CWH43: variants seen among roughly 807,000 people sequenced by gnomAD.
CWH43 encodes the protein PGAP2-interacting protein.
A neutral mutation model predicts 85.7 loss-of-function variants in CWH43; 91 were observed. That is an observed-to-expected ratio of 1.06 (90% CI 0.90 to 1.26). The LOEUF is 1.26. Among genes scored for constraint, CWH43 ranks in the 50% most tolerant of loss-of-function variants. CWH43 has a pLI of 0.00. For missense variants in CWH43, 869 were observed against 839.2 expected (o/e 1.04, Z -0.44); for synonymous variants, 323 against 293.6 (o/e 1.10, Z -1.02).
chr4:48,988,329 A>C, intron 1 of CWH43, 148 bp from the exon 2 acceptor site: 3 of 553,402 alleles, frequency 5.4e-6, no homozygotes, highest in Non-Finnish European at 9.3e-6. Flanking sequence ...GTTTTGTTCC[A>C]TGTCAGTGGA....
At chr4:49,023,575 C>T (rs1486783823) in intron 9 of CWH43, among the ~76,000 whole-genome samples, 2 of 151,982 alleles carry the variant, frequency 1.3e-5, no homozygotes, top group African/African-American at 4.8e-5. Context: ...GGGTTTCGCC[C>T]CATGTTGGTC....
chr4:49,028,569 G>A, intron 9 of CWH43, 60 bp from the exon 10 acceptor site: 2 of 1,136,524 alleles, frequency 1.8e-6, no homozygotes, highest in Non-Finnish European at 2.6e-6. Flanking sequence ...GAGAAAAGTG[G>A]GTCACTGAAA....
At chr4:49,057,804 G>A (rs1389689029) in intron 15 of CWH43, among the ~76,000 whole-genome samples, 1 of 152,018 alleles carries the variant, frequency 6.6e-6, no homozygotes, top group Non-Finnish European at 1.5e-5. Flanking sequence ...CTGATGGTGG[G>A]TGCACATATA....
chr4:49,055,905 CT>C (rs747635845), intron 15 of CWH43, among the ~76,000 whole-genome samples: 2 of 95,552 alleles, frequency 2.1e-5, no homozygotes, highest in African/African-American at 2.8e-5. Flanking sequence ...TCTAATTTTT[CT>C]TTTTTTCTTT....
intron 13 of CWH43, among the ~76,000 whole-genome samples, chr4:49,043,313 C>T (rs143668855): frequency 2.9e-4 from 44 of 152,144 alleles, no homozygotes; most frequent in Non-Finnish European, 5.9e-5. Flanking sequence ...GAAGCACAAA[C>T]GAATATTAGA....
In CWH43 at chr4:48,986,433, C is replaced by A. The variant is rs3747690; in HGVS notation, c.4C>A (p.Pro2Thr). The change falls in exon 1 of 16, where the codon CCC (proline) becomes ACC (threonine). Residue 2 changes from proline (P) to threonine (T), a missense_variant. By Grantham distance (38) the Pro-to-Thr change is conservative. This residue lies in a region of CWH43 where 140 missense variants were observed against 122.6 expected (regional missense o/e 1.14). Transcript: ENST00000226432. M[P>T]SLWREILLES... Reference sequence around the variant, plus strand: ...AGCGCTGCCCCTCGCCGCGGCGATGCCCTCGCTGTGGAGAGAAATCCTCTT... The same window carrying A: ...AGCGCTGCCCCTCGCCGCGGCGATGACCTCGCTGTGGAGAGAAATCCTCTT... 0.44 allele frequency: 682,007 copies of A among 1,552,566 alleles called. 155,901 individuals carry two copies. Among genetic ancestry groups the A allele is most frequent in the Admixed American group, 0.49 (24,767 of 50,986 alleles).
At chr4:48,991,713 A>G (rs1782666320) in intron 3 of CWH43, 139 bp downstream of exon 3, 1 of 1,072,376 alleles carries the variant, frequency 9.3e-7, no homozygotes, top group Admixed American at 2.7e-5. Context: ...TCCTTTTCCC[A>G]AAACAAGGAC....
intron 5 of CWH43, among the ~76,000 whole-genome samples, chr4:48,998,019 T>C (rs1316497977): frequency 2.0e-5 from 3 of 152,196 alleles, no homozygotes; most frequent in African/African-American, 7.2e-5. Context: ...GACACACAGC[T>C]ATCAGTTATT....
chr4:49,028,470 C>G (rs1211963535), intron 9 of CWH43, among the ~76,000 whole-genome samples, 159 bp from the exon 10 acceptor site: 1 of 152,166 alleles, frequency 6.6e-6, no homozygotes, highest in East Asian at 1.9e-4. Flanking sequence ...TGCCATATAG[C>G]AAATATCTCC....
chr4:48,996,639 C>T (rs1468071911), intron 5 of CWH43, among the ~76,000 whole-genome samples: 3 of 152,154 alleles, frequency 2.0e-5, no homozygotes, highest in Non-Finnish European at 2.9e-5. Context: ...TGAAAACAAG[C>T]ATAAGTTTTG....
At chr4:49,025,892 G>C (rs1468983884) in intron 9 of CWH43, among the ~76,000 whole-genome samples, 1 of 152,090 alleles carries the variant, frequency 6.6e-6, no homozygotes, top group Non-Finnish European at 1.5e-5. Flanking sequence ...TCAGGTGGTG[G>C]GTGGGGCCAT....
At chr4:49,045,431 T>C (rs1784594019) in intron 14 of CWH43, among the ~76,000 whole-genome samples, 1 of 152,206 alleles carries the variant, frequency 6.6e-6, no homozygotes. Context: ...TGCTTAATGA[T>C]ATTTTTGTTC....
rs756455299 is a variant in CWH43 at position 49,032,670 on chromosome 4, C to A, written c.1613C>A (p.Ser538Ter). 4 of 1,614,066 alleles carry A rather than the reference C, an allele frequency of 2.5e-6. No individual in the cohort carries two copies. Among genetic ancestry groups the A allele is most frequent in the Non-Finnish European group, 3.4e-6 (4 of 1,179,950 alleles). ...APAITLTVNI[S>*]GKLVDFVVTH... ...GCCATCACATTGACCGTTAACATTT[C>A]GGGCAAGCTGGTGGATTTTGTCGTG... is the stretch of plus-strand genomic sequence containing the variant. Residue 538 changes from serine to a stop codon, truncating the protein, a stop_gained, in exon 12 of 16, where the codon TCG becomes TAG. Coordinates refer to ENST00000226432, the MANE Select transcript of CWH43 (RefSeq NM_025087.3). LOFTEE classifies it high-confidence loss of function.
intron 15 of CWH43, among the ~76,000 whole-genome samples, chr4:49,058,802 C>A (rs145232969): frequency 3.9e-5 from 6 of 152,316 alleles, no homozygotes; most frequent in African/African-American, 1.4e-4. Flanking sequence ...TTTTGGCCTG[C>A]AAGGTTTCTA....
At chr4:49,060,056 G>T (rs1316486356) in intron 15 of CWH43, among the ~76,000 whole-genome samples, 1 of 152,088 alleles carries the variant, frequency 6.6e-6, no homozygotes, top group Non-Finnish European at 1.5e-5. Flanking sequence ...TCTGTTACCT[G>T]GGCTGCAGGG....
intron 1 of CWH43, 82 bp downstream of exon 1, chr4:48,986,554 G>T: frequency 1.3e-6 from 2 of 1,541,822 alleles, no homozygotes; most frequent in South Asian, 2.4e-5. Flanking sequence ...GGCCAGGTTG[G>T]CTGAGTTCAG....
chr4:49,033,298 G>C (rs1336458601), intron 12 of CWH43, among the ~76,000 whole-genome samples: 1 of 152,212 alleles, frequency 6.6e-6, no homozygotes, highest in Non-Finnish European at 1.5e-5. Context: ...ATCTGGAAGA[G>C]GGAGATCAAA....
intron 14 of CWH43, among the ~76,000 whole-genome samples, chr4:49,046,964 T>C (rs146273241): frequency 6.6e-6 from 1 of 152,258 alleles, no homozygotes. Context: ...GGGGACAATG[T>C]GGGGAGCCCT....
At chr4:49,050,882 A>C (rs779448928) in intron 15 of CWH43, 33 bp downstream of exon 15, 3 of 1,533,334 alleles carry the variant, frequency 2.0e-6, no homozygotes, top group Non-Finnish European at 2.7e-6. Context: ...TCCAGTTATG[A>C]GCTACTGCAT....
Sources: gnomAD v4.1 joint callset for allele counts (sites outside exome capture counted in the v4.1 genomes callset) on GRCh38, gnomAD v4.1.1 for gene constraint, gnomAD v4.1.1 regional missense constraint, MANE v1.5 for transcripts, NCBI Gene and HGNC (gene_info 2026-07-23, HGNC 2026-07-21) for gene names.